Variants in DIXDC1 observed in about 807,000 individuals in gnomAD.
DIXDC1 encodes DIX domain containing 1.
DIXDC1 carries 64 observed loss-of-function variants against 103.1 expected under a neutral mutation model. The observed-to-expected ratio is 0.62, with a 90% confidence interval of 0.51 to 0.76. The LOEUF (loss-of-function observed/expected upper bound fraction) is 0.76, where lower values mean the gene tolerates loss of function less well. DIXDC1 is among the 30% of genes least tolerant of loss of function. The pLI is 0.00. For missense variants in DIXDC1, 759 were observed against 834.2 expected (o/e 0.91, Z 1.11); for synonymous variants, 266 against 298.5 (o/e 0.89, Z 1.12).
At chr11:111,959,835 C>T (rs1158054201) in intron 1 of DIXDC1, among the ~76,000 whole-genome samples, 1 of 152,104 alleles carries the variant, frequency 6.6e-6, no homozygotes, top group Non-Finnish European at 1.5e-5. Flanking sequence ...TTTTGAATGA[C>T]CTCTTAGTGC....
chr11:111,962,164 G>A (rs1327778604), intron 1 of DIXDC1, among the ~76,000 whole-genome samples: 2 of 152,042 alleles, frequency 1.3e-5, no homozygotes, highest in Non-Finnish European at 2.9e-5. Flanking sequence ...TCTGAAAAAA[G>A]TGATACTTGA....
intron 17 of DIXDC1, chr11:112,015,375 T>C (rs1321487854): frequency 6.6e-6 from 1 of 152,210 alleles, no homozygotes; most frequent in East Asian, 1.9e-4. Context: ...GGAAGATCAG[T>C]ACAGGTGGAA....
rs1861610605 is a variant in DIXDC1 at position 112,017,008 on chromosome 11, T to C, written c.1862+212T>C. Among the ~76,000 whole-genome samples the C allele has an allele frequency of 6.6e-6, 1 of 152,034 alleles. No homozygotes were observed. The highest frequency in any genetic ancestry group is 6.6e-5 in the Admixed American group (1 of 15,252). ...GGACAAGTCATGATCTACTACTAGATACAGGTACAATAATAGTACTTCCAA... is the reference window on the plus strand; with the variant it reads ...GGACAAGTCATGATCTACTACTAGACACAGGTACAATAATAGTACTTCCAA... On this transcript the variant is annotated intron_variant, in intron 18 of 19. Coordinates refer to ENST00000440460, the MANE Select transcript of DIXDC1 (RefSeq NM_001037954.4). The surrounding 1 kb of genome is among the most constrained non-coding windows in gnomAD (Gnocchi z 4.0).
At chr11:112,003,389 G>A (rs1555176205) in intron 17 of DIXDC1, among the ~76,000 whole-genome samples, 4 of 152,126 alleles carry the variant, frequency 2.6e-5, no homozygotes, top group Admixed American at 2.0e-4. Flanking sequence ...AGAGGTTGCA[G>A]TGAGCTGAGA....
chr11:111,992,580 C>T (rs1365263742), intron 11 of DIXDC1, 61 bp downstream of exon 11: 84 of 1,403,748 alleles, frequency 6.0e-5, no homozygotes, highest in Non-Finnish European at 7.4e-5. Flanking sequence ...GGCTACTGCA[C>T]GAAGAACTAT....
In DIXDC1 at chr11:112,020,727, T is replaced by A. The variant is rs967061626; in HGVS notation, c.*1691T>A. The A allele has an allele frequency of 6.6e-6, 1 of 152,232 alleles. No homozygotes were observed. The highest frequency in any genetic ancestry group is 1.5e-5 in the Non-Finnish European group (1 of 68,026). The allele number at this position is 152,232 out of a possible 1,614,324, so 9.4% of individuals were successfully genotyped here. Reference sequence around the variant, plus strand: ...TTTTAGTTGTGAAGGTAGTTTTGTGTAATCCAGTTGATTGCTCCTCTGGCA... The same window carrying A: ...TTTTAGTTGTGAAGGTAGTTTTGTGAAATCCAGTTGATTGCTCCTCTGGCA... On this transcript the variant is annotated 3_prime_UTR_variant, in exon 20 of 20. Transcript: ENST00000440460.
At position 111,977,055 on chromosome 11, in the gene DIXDC1, C is replaced by T. The variant is rs587678621; in HGVS notation, c.656+2072C>T. On this transcript the variant is annotated intron_variant, in intron 5 of 19. Coordinates refer to ENST00000440460, the MANE Select transcript of DIXDC1 (RefSeq NM_001037954.4). This position sits in a 1 kb window ranked among gnomAD's most constrained non-coding sequence, Gnocchi z 6.1. ...CCCCAGCACTCAGACCACTAGAGCC[C>T]TCCTCGTGATTCTGCCGATACGCGG... is the stretch of plus-strand genomic sequence containing the variant. 37 of 163,434 alleles carry T rather than the reference C, an allele frequency of 2.3e-4. 2 individuals are homozygous for T. The South Asian group carries it at 6.2e-3, about 27-fold the overall frequency. The allele number at this position is 163,434 out of a possible 1,614,324, so 10.1% of individuals were successfully genotyped here.
chr11:111,996,882 G>A (rs1366268125), intron 17 of DIXDC1, among the ~76,000 whole-genome samples: 1 of 152,104 alleles, frequency 6.6e-6, no homozygotes, highest in Non-Finnish European at 1.5e-5. Flanking sequence ...TGCTTAAGGC[G>A]TTTAGTTTAA....
intron 17 of DIXDC1, among the ~76,000 whole-genome samples, chr11:112,008,037 C>T (rs7929516): frequency 0.025 from 3,771 of 151,004 alleles, 159 homozygotes; most frequent in African/African-American, 0.087. Context: ...TCAAACCCAT[C>T]GGTGTGCTGT....
intron 1 of DIXDC1, among the ~76,000 whole-genome samples, chr11:111,959,971 G>A (rs1050176074): frequency 4.6e-5 from 7 of 152,070 alleles, no homozygotes; most frequent in East Asian, 3.9e-4. Flanking sequence ...GTGCACTGGC[G>A]CAATCTCGAC....
At chr11:112,010,908 T>TA (rs1216431009) in intron 17 of DIXDC1, among the ~76,000 whole-genome samples, 1 of 152,144 alleles carries the variant, frequency 6.6e-6, no homozygotes, top group Non-Finnish European at 1.5e-5. Context: ...ACTTCATGAC[T>TA]AAAACACCAA....
intron 19 of DIXDC1, among the ~76,000 whole-genome samples, chr11:112,018,346 G>A (rs1400114524): frequency 2.6e-5 from 4 of 152,170 alleles, no homozygotes; most frequent in African/African-American, 4.8e-5. Flanking sequence ...TAGCCTACGC[G>A]TCTCTTTATA....
rs143601901 is a variant in DIXDC1 at position 111,960,428 on chromosome 11, T to C, written c.61-4121T>C. Reference sequence around the variant, plus strand: ...GGCTAACATGGTGAAACCCCATCTCTACTAAAAATACAGAAATTAGGTGGG... The same window carrying C: ...GGCTAACATGGTGAAACCCCATCTCCACTAAAAATACAGAAATTAGGTGGG... On this transcript the variant is annotated intron_variant, in intron 1 of 19. Coordinates refer to ENST00000440460, the MANE Select transcript of DIXDC1 (RefSeq NM_001037954.4). 2.3e-4 allele frequency among the ~76,000 whole-genome samples: 34 copies of C among 150,812 alleles called. 1 individual carries two copies. The highest frequency in any genetic ancestry group is 8.3e-4 in the African/African-American group (34 of 41,180).
intron 1 of DIXDC1, chr11:111,945,665 T>C (rs1333623339): frequency 2.6e-5 from 4 of 152,248 alleles, no homozygotes; most frequent in Non-Finnish European, 4.4e-5. Flanking sequence ...GTTTTCTGAC[T>C]TTGTGCTGGT....
At position 111,998,111 on chromosome 11, in the gene DIXDC1, A is replaced by G. The variant is rs1435127603; in HGVS notation, c.1756+1965A>G. 3.3e-5 allele frequency among the ~76,000 whole-genome samples: 5 copies of G among 152,160 alleles called. No homozygotes were observed. Among genetic ancestry groups the G allele is most frequent in the Non-Finnish European group, 1.5e-5 (1 of 68,026 alleles). On this transcript the variant is annotated intron_variant, in intron 17 of 19. Coordinates refer to ENST00000440460, the MANE Select transcript of DIXDC1 (RefSeq NM_001037954.4). This position sits in a 1 kb window ranked among gnomAD's most constrained non-coding sequence, Gnocchi z 4.1. ...ATCAAGTGGTTACTTTTTAAACCTT[A>G]TCTTTCATTGTCTTTTCAAAAGCAT...
intron 4 of DIXDC1, 138 bp downstream of exon 4, chr11:111,974,392 G>T (rs2137534386): frequency 1.3e-6 from 1 of 772,166 alleles, no homozygotes; most frequent in African/African-American, 1.7e-5. Context: ...GGAGGTAGGG[G>T]AGGGCACTCT....
intron 9 of DIXDC1, among the ~76,000 whole-genome samples, chr11:111,987,145 G>T (rs1019204088): frequency 6.6e-6 from 1 of 151,916 alleles, no homozygotes; most frequent in African/African-American, 2.4e-5. Flanking sequence ...AGCTACTCGG[G>T]AGGCTGAGGC....
intron 1 of DIXDC1, among the ~76,000 whole-genome samples, chr11:111,941,870 A>ACC (rs1566459724): frequency 1.3e-5 from 2 of 151,738 alleles, no homozygotes; most frequent in East Asian, 1.9e-4. Context: ...ACACACACAC[A>ACC]CACCCACGAA....
intron 1 of DIXDC1, among the ~76,000 whole-genome samples, chr11:111,962,830 C>T (rs1175537227): frequency 3.3e-5 from 5 of 152,164 alleles, no homozygotes; most frequent in East Asian, 1.9e-4. Context: ...ACTGCTTTCC[C>T]TCAGACCAGA....
Sources: allele counts gnomAD v4.1 joint callset (sites outside exome capture counted in the v4.1 genomes callset), GRCh38; gene constraint gnomAD v4.1.1; non-coding constraint Gnocchi (gnomAD v3.1); transcripts MANE v1.5; gene names NCBI Gene and HGNC (gene_info 2026-07-23, HGNC 2026-07-21).